The following MMP12 variants were observed in gnomAD, a reference collection of about 807,000 sequenced individuals.
The protein encoded by MMP12 is matrix metallopeptidase 12.
MMP12 carries 51 observed loss-of-function variants against 45.2 expected under a neutral mutation model. That is an observed-to-expected ratio of 1.13 (90% CI 0.90 to 1.42). The LOEUF is 1.42. MMP12 is among the 40% of genes most tolerant of loss of function. The pLI, the probability that MMP12 is intolerant of heterozygous loss-of-function variation, is 0.00. For synonymous variants in MMP12, 210 were observed against 193.3 expected, an observed-to-expected ratio of 1.09 and a Z score of -0.72; for missense variants, 530 against 570.8, an observed-to-expected ratio of 0.93 and a Z score of 0.73.
At chr11:102,871,440 G>T in intron 4 of MMP12, 154 bp downstream of exon 4, 1 of 555,486 alleles carries the variant, frequency 1.8e-6, no homozygotes, top group Non-Finnish European at 2.3e-6. Flanking sequence ...TTGATTTAGA[G>T]GCAAAATTAT....
chr11:102,870,387 A>G (rs992206943), intron 4 of MMP12, among the ~76,000 whole-genome samples: 1 of 152,196 alleles, frequency 6.6e-6, no homozygotes, highest in African/African-American at 2.4e-5. Flanking sequence ...TCTCTTCAAA[A>G]ACTTTATAAG....
chr11:102,865,810 T>C lies in MMP12; in HGVS notation c.1171A>G (p.Arg391Gly). 1.2e-6 allele frequency: 2 copies of C among 1,612,318 alleles called. No homozygotes were observed. Among genetic ancestry groups the C allele is most frequent in the Non-Finnish European group, 1.7e-6 (2 of 1,179,002 alleles). Residue 391 changes from arginine to glycine, a missense_variant, in exon 8 of 10, where the codon AGG (arginine) becomes GGG (glycine). Physicochemically the swap from Arg to Gly is moderately radical, Grantham distance 125 (BLOSUM62 -2). Coordinates refer to ENST00000571244, the MANE Select transcript of MMP12 (RefSeq NM_002426.6). This position sits in a 1 kb window ranked among gnomAD's most constrained non-coding sequence, Gnocchi z 4.1. ...DAAVFNPRFY[R>G]TYFFVDNQYW... is the part of the protein sequence containing the mutation. ...TGGTTATCTACAAAGAAGTAGGTCC[T>C]ATAAAAACGTGGGTTAAAAACAGCT... is the stretch of plus-strand genomic sequence containing the variant.
chr11:102,873,193 G>T (rs1859534106), intron 1 of MMP12, 81 bp from the exon 2 acceptor site: 1 of 1,207,584 alleles, frequency 8.3e-7, no homozygotes, highest in Non-Finnish European at 1.2e-6. Flanking sequence ...TGACTCAATT[G>T]CACACTGATG....
chr11:102,872,604 G>T (rs1859520715), intron 2 of MMP12, among the ~76,000 whole-genome samples: 2 of 152,198 alleles, frequency 1.3e-5, no homozygotes, highest in African/African-American at 4.8e-5. Context: ...GCCTCCCAAA[G>T]TGCTGGGATT....
rs1555008846 is a variant in MMP12 at position 102,868,022 on chromosome 11, C to G, written c.673G>C (p.Gly225Arg). Residue 225 changes from glycine (G) to arginine (R), a missense_variant, in exon 5 of 10, where the codon GGT becomes CGT. By Grantham distance (125) the Gly-to-Arg change is moderately radical. Transcript: ENST00000571244. ...TTTGGATCACTAGAATGGCCAAGAC[C>G]TAAGGAATGGCCAATCTCGTGAACA... ...TAVHEIGHSL[G>R]LGHSSDPKAV... The G allele has an allele frequency of 1.2e-6, 2 of 1,604,490 alleles. No homozygotes were observed. Among genetic ancestry groups the G allele is most frequent in the African/African-American group, 1.3e-5 (1 of 74,788 alleles).
At chr11:102,868,462 A>G (rs1591119369) in intron 4 of MMP12, among the ~76,000 whole-genome samples, 1 of 152,318 alleles carries the variant, frequency 6.6e-6, no homozygotes, top group East Asian at 1.9e-4. Context: ...TGCGTTCAAC[A>G]GTTTTCATTG....
At chr11:102,866,048 T>A in intron 7 of MMP12, 113 bp from the exon 8 acceptor site, 1 of 915,440 alleles carries the variant, frequency 1.1e-6, no homozygotes. Flanking sequence ...TATTTATTGC[T>A]TATTGATCTT....
rs1364890077 is a variant in MMP12 at position 102,865,747 on chromosome 11, G to A, written c.1205+29C>T. On this transcript the variant is annotated intron_variant, in intron 8 of 9. Transcript: ENST00000571244. The surrounding 1 kb of genome is among the most constrained non-coding windows in gnomAD (Gnocchi z 4.1). ...TTCCATATCTGTTTCACAATCTGAG[G>A]GGTCGAATGACCAACCATTAAAACT... 2 of 1,575,242 alleles carry A rather than the reference G, an allele frequency of 1.3e-6. No homozygotes were observed. The highest frequency in any genetic ancestry group is 1.3e-5 in the African/African-American group (1 of 74,166).
At chr11:102,870,426 A>G (rs1264533646) in intron 4 of MMP12, among the ~76,000 whole-genome samples, 2 of 152,234 alleles carry the variant, frequency 1.3e-5, no homozygotes, top group African/African-American at 4.8e-5. Context: ...ACTAAAACAA[A>G]TAGTCTTTCT....
chr11:102,864,273 C>G lies in MMP12; in HGVS notation c.1206-21G>C. On this transcript the variant is annotated intron_variant, in intron 8 of 9. Coordinates refer to ENST00000571244, the MANE Select transcript of MMP12 (RefSeq NM_002426.6). ...CATACCTGAGCAAAGAAGTAACCAG[C>G]AGGAACTCAATCAGAAAGTGGCTTT... The G allele has an allele frequency of 9.0e-6, 14 of 1,550,400 alleles. No homozygotes were observed. In the South Asian group the frequency reaches 1.6e-4, roughly 17 times the overall value.
At chr11:102,874,028 CAAAAAAA>C (rs35364937) in intron 1 of MMP12, among the ~76,000 whole-genome samples, 28 of 97,488 alleles carry the variant, frequency 2.9e-4, no homozygotes, top group African/African-American at 1.0e-3. Flanking sequence ...AACCCTGTCT[CAAAAAAA>C]AAAAAAAAAA....
rs1555009613 is a variant in MMP12, at chr11:102,872,965, G to A, written c.250C>T (p.Leu84=). ...KVTGQLDTST[L]EMMHAPRCGV... ...CATCGAGGTGCGTGCATCATCTCCA[G>A]GGTAGATGTGTCCAGTTGCCCGGTC... Residue 84 remains leucine, a synonymous_variant, in exon 2 of 10, where the codon CTG becomes TTG. Transcript: ENST00000571244. The A allele has an allele frequency of 6.2e-7, 1 of 1,613,698 alleles. No individual in the cohort carries two copies. The highest frequency in any genetic ancestry group is 1.1e-5 in the South Asian group (1 of 90,990).
At chr11:102,864,351 G>A in intron 8 of MMP12, 99 bp from the exon 9 acceptor site, 1 of 765,466 alleles carries the variant, frequency 1.3e-6, no homozygotes. Flanking sequence ...TTCCCCAAAG[G>A]ACTTAAGTTG....
chr11:102,863,069 G>T lies in MMP12; in HGVS notation c.*31C>A. The T allele has an allele frequency of 1.4e-6, 2 of 1,419,022 alleles. No homozygotes were observed. Among genetic ancestry groups the T allele is most frequent in the Non-Finnish European group, 9.9e-7 (1 of 1,011,480 alleles). 87.9% of individuals were successfully genotyped at this position (1,419,022 alleles called of 1,614,324 possible). A position where few individuals can be genotyped will look rare whatever the true frequency, so the allele number is the denominator to read the frequency against. On this transcript the variant is annotated 3_prime_UTR_variant, in exon 10 of 10. Transcript: ENST00000571244. ...CAATAAATACTTATTAAGCTGAAGTGAACTAACAAAAACCATTAATTACAC... is the reference window on the plus strand; with the variant it reads ...CAATAAATACTTATTAAGCTGAAGTTAACTAACAAAAACCATTAATTACAC...
Position 102,867,377 on chromosome 11 carries a change from G to A in MMP12, c.804C>T (p.Asn268=). 6.2e-7 allele frequency: 1 copy of A among 1,609,708 alleles called. No homozygotes were observed. The change falls in exon 6 of 10, where the codon AAC becomes AAT. Residue 268 remains asparagine, a synonymous_variant. Coordinates refer to ENST00000571244, the MANE Select transcript of MMP12 (RefSeq NM_002426.6). The part of the protein sequence containing the change: ...IQSLYGDPKE[N]QRLPNPDNSE... ...AATTGTCAGGATTTGGCAAGCGTTG[G>A]TTCTCTTTTGGGTCTCCTGAAAATA...
rs782081556 is a variant in MMP12 at position 102,865,982 on chromosome 11, T to C, written c.1046-47A>G. ...GTAAATTTGAATTATACAGGAAGAGTAATAAGAAAATATTGATTTACTATA... is the reference window on the plus strand; with the variant it reads ...GTAAATTTGAATTATACAGGAAGAGCAATAAGAAAATATTGATTTACTATA... On this transcript the variant is annotated intron_variant, in intron 7 of 9. Transcript: ENST00000571244. The surrounding 1 kb of genome is among the most constrained non-coding windows in gnomAD (Gnocchi z 4.1). 1 of 1,406,398 alleles carries C rather than the reference T, an allele frequency of 7.1e-7. No individual in the cohort carries two copies. Among genetic ancestry groups the C allele is most frequent in the South Asian group, 1.3e-5 (1 of 77,190 alleles). 87.1% of individuals were successfully genotyped at this position (1,406,398 alleles called of 1,614,324 possible).
chr11:102,867,635 G>A (rs575591702), intron 5 of MMP12, among the ~76,000 whole-genome samples: 85 of 152,108 alleles, frequency 5.6e-4, no homozygotes, highest in African/African-American at 2.0e-3. Context: ...ATTGTTTAAT[G>A]TGTGGGCCTT....
rs552593852 is a variant in MMP12, at chr11:102,873,116, G to GAA, written c.103-6_103-5dup. 2.6e-6 allele frequency: 4 copies of GAA among 1,566,920 alleles called. No individual in the cohort carries two copies. The highest frequency in any genetic ancestry group is 1.8e-5 in the Admixed American group (1 of 54,338). On this transcript the variant is annotated splice_region_variant and splice_polypyrimidine_tract_variant and intron_variant, in intron 1 of 9. Transcript: ENST00000571244. The stretch of plus-strand genomic sequence containing the variant: ...CATAAAATTTTTCTAAGTATCTCTG[G>GAA]AAAAAAAAATACATTCAGCAATGTG...
In MMP12 at chr11:102,871,905, G is replaced by T. The variant is rs782018826; in HGVS notation, c.398C>A (p.Ala133Glu). Residue 133 changes from alanine to glutamate, a missense_variant, in exon 3 of 10, where the codon GCA becomes GAA. Physicochemically the swap from Ala to Glu is moderately radical, Grantham distance 107 (BLOSUM62 -1). Transcript: ENST00000571244. ...PDMNREDVDY[A>E]IRKAFQVWSN... is the part of the protein sequence containing the mutation. ...CCATACTTGGAAAGCTTTCCGGATT[G>T]CGTAGTCAACATCCTCACGGTTCAT... 6 of 1,613,654 alleles carry T rather than the reference G, an allele frequency of 3.7e-6. No homozygotes were observed. Among genetic ancestry groups the T allele is most frequent in the Non-Finnish European group, 5.1e-6 (6 of 1,179,732 alleles).
Sources: gnomAD v4.1 joint callset for allele counts (sites outside exome capture counted in the v4.1 genomes callset) on GRCh38, gnomAD v4.1.1 for gene constraint, Gnocchi (gnomAD v3.1) non-coding constraint, MANE v1.5 for transcripts, NCBI Gene and HGNC (gene_info 2026-07-23, HGNC 2026-07-21) for gene names.